Variants in METTL15 observed in about 807,000 individuals in gnomAD.
METTL15 encodes 12S rRNA N(4)-cytidine methyltransferase METTL15.
Under a neutral mutation model 38.3 loss-of-function variants are expected in METTL15, and 34 were observed. The ratio of observed to expected loss-of-function variants is 0.89; its 90% CI spans 0.68 to 1.18. The LOEUF (loss-of-function observed/expected upper bound fraction) is 1.18, where lower values mean the gene tolerates loss of function less well. METTL15 is among the 50% of genes most tolerant of loss of function. The probability of loss-of-function intolerance (pLI) is 0.00; values close to 1 mark genes in which losing one functional copy is unlikely to be tolerated. For missense variants in METTL15, 438 were observed against 498.4 expected (o/e 0.88, Z 1.15); for synonymous variants, 162 against 170.9 (o/e 0.95, Z 0.41).
chr11:28,294,827 T>G (rs1350086748), intron 5 of METTL15, among the ~76,000 whole-genome samples: 2 of 152,156 alleles, frequency 1.3e-5, no homozygotes, highest in African/African-American at 4.8e-5. Flanking sequence ...TAGAGTAAAA[T>G]AAAATTATAT....
chr11:28,303,946 G>A (rs1856994374), intron 6 of METTL15, among the ~76,000 whole-genome samples: 1 of 152,104 alleles, frequency 6.6e-6, no homozygotes, highest in Non-Finnish European at 1.5e-5. Context: ...GTGAACTTGA[G>A]TAAGTTCACT....
chr11:28,450,528 G>T (rs1851111631), intron 6 of METTL15, among the ~76,000 whole-genome samples: 1 of 152,174 alleles, frequency 6.6e-6, no homozygotes, highest in African/African-American at 2.4e-5. Flanking sequence ...AAAGCTTATT[G>T]AATGTTGATG....
chr11:28,418,166 A>G (rs538316730), intron 5 of METTL15, among the ~76,000 whole-genome samples: 2 of 152,084 alleles, frequency 1.3e-5, no homozygotes, highest in Non-Finnish European at 2.9e-5. Flanking sequence ...CTGCCAGTGT[A>G]TGTCTCTCTG....
chr11:28,216,030 G>T (rs1295409195), intron 4 of METTL15, among the ~76,000 whole-genome samples: 1 of 152,140 alleles, frequency 6.6e-6, no homozygotes, highest in East Asian at 1.9e-4. Flanking sequence ...ATGGATGCAT[G>T]CATGGAAGGA....
intron 6 of METTL15, among the ~76,000 whole-genome samples, chr11:28,305,224 A>G (rs950241544): frequency 7.2e-5 from 11 of 152,316 alleles, no homozygotes; most frequent in African/African-American, 1.7e-4. Flanking sequence ...AAAAAGAAAG[A>G]AAACCTGAGT....
chr11:28,181,465 T>C (rs1449203924), intron 3 of METTL15, among the ~76,000 whole-genome samples: 1 of 151,908 alleles, frequency 6.6e-6, no homozygotes, highest in Non-Finnish European at 1.5e-5. Context: ...TGTCCATGTG[T>C]TCTCATTGTT....
chr11:28,506,182 G>A (rs558251160), intron 6 of METTL15, among the ~76,000 whole-genome samples: 10 of 152,188 alleles, frequency 6.6e-5, no homozygotes, highest in African/African-American at 1.2e-4. Flanking sequence ...TCCAAATGAC[G>A]TAGGGTCTCT....
chr11:28,399,753 C>T (rs911775546), intron 5 of METTL15, among the ~76,000 whole-genome samples: 1 of 151,394 alleles, frequency 6.6e-6, no homozygotes, highest in African/African-American at 2.4e-5. Context: ...AATGAAATGC[C>T]AAAAATAAAA....
chr11:28,388,766 G>T (rs571271154), intron 5 of METTL15, among the ~76,000 whole-genome samples: 2 of 151,974 alleles, frequency 1.3e-5, no homozygotes, highest in Non-Finnish European at 2.9e-5. Flanking sequence ...ATGCCATGTT[G>T]GTGTGCTGCA....
chr11:28,207,581 G>C (rs1019977022), intron 3 of METTL15, among the ~76,000 whole-genome samples: 2 of 151,974 alleles, frequency 1.3e-5, no homozygotes, highest in African/African-American at 4.8e-5. Context: ...TTTTTTTGTT[G>C]TGTCTCTGCC....
chr11:28,397,242 G>C (rs542523284), intron 5 of METTL15, among the ~76,000 whole-genome samples: 1 of 151,936 alleles, frequency 6.6e-6, no homozygotes, highest in South Asian at 2.1e-4. Context: ...TTGACAAATG[G>C]GATCTAATTG....
intron 3 of METTL15, among the ~76,000 whole-genome samples, chr11:28,204,820 G>A (rs570982347): frequency 6.6e-6 from 1 of 151,964 alleles, no homozygotes; most frequent in South Asian, 2.1e-4. Context: ...AAACAATTGA[G>A]GCTTAAAGAA....
At chr11:28,304,447 A>C (rs1218689825) in intron 6 of METTL15, among the ~76,000 whole-genome samples, 1 of 152,140 alleles carries the variant, frequency 6.6e-6, no homozygotes, top group Non-Finnish European at 1.5e-5. Flanking sequence ...TGCCAGGCGC[A>C]GTGGCTCACT....
intron 4 of METTL15, among the ~76,000 whole-genome samples, chr11:28,261,842 A>G (rs954666404): frequency 6.6e-6 from 1 of 152,192 alleles, no homozygotes; most frequent in Non-Finnish European, 1.5e-5. Flanking sequence ...ACTATGTGCT[A>G]ATCAATGTTC....
intron 4 of METTL15, among the ~76,000 whole-genome samples, chr11:28,353,103 C>T (rs946284587): frequency 6.6e-6 from 1 of 152,008 alleles, no homozygotes; most frequent in Non-Finnish European, 1.5e-5. Flanking sequence ...AAGAAAAGCC[C>T]ATATTCTGGG....
At chr11:28,236,656 G>A (rs185368281) in intron 4 of METTL15, among the ~76,000 whole-genome samples, 1 of 152,096 alleles carries the variant, frequency 6.6e-6, no homozygotes, top group Non-Finnish European at 1.5e-5. Flanking sequence ...GATGTTAGCT[G>A]GTTATTTTGC....
chr11:28,248,039 G>T (rs1489379550), intron 4 of METTL15, among the ~76,000 whole-genome samples: 1 of 152,002 alleles, frequency 6.6e-6, no homozygotes. Context: ...AAGAGTATTT[G>T]GGGGAATAAA....
At chr11:28,183,840 C>T (rs961646902) in intron 3 of METTL15, among the ~76,000 whole-genome samples, 1 of 152,104 alleles carries the variant, frequency 6.6e-6, no homozygotes, top group East Asian at 1.9e-4. Flanking sequence ...ATGGTACCAG[C>T]TTCTCTTTGT....
chr11:28,490,383 T>C lies in METTL15; in HGVS notation c.*425-36095T>C, dbSNP rs142374214. 7.5e-4 allele frequency among the ~76,000 whole-genome samples: 114 copies of C among 152,256 alleles called. 3 individuals are homozygous for C. The East Asian group carries it at 0.02, about 27-fold the overall frequency. On this transcript the variant is annotated intron_variant and NMD_transcript_variant, in intron 6 of 7. Transcript: ENST00000532947. ...TTACATTGATTTTTCCCCAAATCTA[T>C]CTCTTAATAATGCTCTCAGACTGGA...
Sources: allele counts gnomAD v4.1 joint callset (sites outside exome capture counted in the v4.1 genomes callset), GRCh38; gene constraint gnomAD v4.1.1; transcripts MANE v1.5; gene names NCBI Gene and HGNC (gene_info 2026-07-23, HGNC 2026-07-21).